Variants in NAALADL2 observed in about 807,000 individuals in gnomAD.
The protein encoded by NAALADL2 is inactive N-acetylated-alpha-linked acidic dipeptidase-like protein 2.
NAALADL2 carries 76 observed loss-of-function variants against 87.2 expected under a neutral mutation model. The ratio of observed to expected loss-of-function variants is 0.87; its 90% CI spans 0.72 to 1.05. The LOEUF is 1.05. NAALADL2 is among the 50% of genes least tolerant of loss of function. The probability of loss-of-function intolerance (pLI) is 0.00; values close to 1 mark genes in which losing one functional copy is unlikely to be tolerated. For missense variants in NAALADL2, 1,089 were observed against 945.8 expected (o/e 1.15, Z -1.99); for synonymous variants, 354 against 331.0 (o/e 1.07, Z -0.75).
chr3:175,745,684 A>T (rs1745828224), intron 12 of NAALADL2, among the ~76,000 whole-genome samples: 1 of 152,198 alleles, frequency 6.6e-6, no homozygotes, highest in Non-Finnish European at 1.5e-5. Context: ...ATGTCCAAAA[A>T]ATGCATTTAG....
intron 9 of NAALADL2, among the ~76,000 whole-genome samples, chr3:175,507,007 C>T (rs747373792): frequency 1.3e-5 from 2 of 151,984 alleles, no homozygotes; most frequent in East Asian, 1.9e-4. Context: ...GCTATCAGCC[C>T]CTCTGCACAT....
At chr3:174,540,190 G>GA (rs1240820911) in intron 1 of NAALADL2, among the ~76,000 whole-genome samples, 1 of 151,950 alleles carries the variant, frequency 6.6e-6, no homozygotes, top group East Asian at 1.9e-4. Context: ...GTAAGAGGGG[G>GA]AAAAAAAGCA....
chr3:174,942,123 A>G (rs868319203), intron 1 of NAALADL2, among the ~76,000 whole-genome samples: 29 of 152,252 alleles, frequency 1.9e-4, no homozygotes, highest in African/African-American at 6.3e-4. Flanking sequence ...AAGTTTTTGT[A>G]TAAACATGCT....
At chr3:174,829,674 C>A (rs1458016331) in intron 3 of NAALADL2, among the ~76,000 whole-genome samples, 2 of 142,408 alleles carry the variant, frequency 1.4e-5, no homozygotes, top group Admixed American at 6.9e-5. Flanking sequence ...AGTTCTAGAT[C>A]CCTGAGGAAT....
chr3:174,913,349 C>T (rs1733951478), intron 1 of NAALADL2, among the ~76,000 whole-genome samples: 1 of 152,144 alleles, frequency 6.6e-6, no homozygotes, highest in Non-Finnish European at 1.5e-5. Context: ...TCACTATTTT[C>T]CTTTGCAAAC....
rs1002633768 is a variant in NAALADL2, at chr3:175,446,247, G to A, written c.1091-982G>A. On this transcript the variant is annotated intron_variant, in intron 5 of 13. Coordinates refer to ENST00000454872, the MANE Select transcript of NAALADL2 (RefSeq NM_207015.3). ...CAGGCAATCATGACACCTTTTTTTG[G>A]GGGGGGCGGGGGGGACTGTGTCTCA... 7.6e-5 allele frequency among the ~76,000 whole-genome samples: 11 copies of A among 145,424 alleles called. No homozygotes were observed. In the East Asian group the frequency reaches 2.2e-3, roughly 29 times the overall value.
At chr3:174,548,152 C>T (rs892209259) in intron 1 of NAALADL2, among the ~76,000 whole-genome samples, 5 of 152,154 alleles carry the variant, frequency 3.3e-5, no homozygotes, top group African/African-American at 1.2e-4. Context: ...TCATTACGAA[C>T]TGTGTAAACA....
intron 2 of NAALADL2, among the ~76,000 whole-genome samples, chr3:174,627,552 C>A (rs1721697667): frequency 6.6e-6 from 1 of 152,176 alleles, no homozygotes; most frequent in African/African-American, 2.4e-5. Context: ...AAAAATAGAA[C>A]TAAACTTTGA....
At chr3:175,118,689 A>T (rs532349118) in intron 2 of NAALADL2, among the ~76,000 whole-genome samples, 1 of 151,844 alleles carries the variant, frequency 6.6e-6, no homozygotes, top group African/African-American at 2.4e-5. Flanking sequence ...AAAATCTGCA[A>T]TAGAGTTCTG....
chr3:175,451,468 ATTCAACG>A (rs1721569113), intron 6 of NAALADL2, among the ~76,000 whole-genome samples: 1 of 152,164 alleles, frequency 6.6e-6, no homozygotes, highest in Non-Finnish European at 1.5e-5. Context: ...TGACCCATTC[ATTCAACG>A]TATTGTCAAT....
chr3:175,434,803 G>A (rs542370039), intron 5 of NAALADL2, among the ~76,000 whole-genome samples: 1 of 152,026 alleles, frequency 6.6e-6, no homozygotes, highest in South Asian at 2.1e-4. Flanking sequence ...AGTTTACTTA[G>A]CTTATATTAC....
At chr3:175,247,728 A>C (rs1748250776) in intron 3 of NAALADL2, among the ~76,000 whole-genome samples, 1 of 152,214 alleles carries the variant, frequency 6.6e-6, no homozygotes, top group South Asian at 2.1e-4. Flanking sequence ...TAAACCAAGC[A>C]GGGAGACTTT....
intron 11 of NAALADL2, among the ~76,000 whole-genome samples, chr3:175,713,208 T>C (rs1445020687): frequency 2.0e-5 from 3 of 152,088 alleles, no homozygotes. Context: ...AATCACAGTG[T>C]TATGGTGAAT....
At chr3:175,140,725 A>C (rs9878823) in intron 2 of NAALADL2, among the ~76,000 whole-genome samples, 16,730 of 152,178 alleles carry the variant, frequency 0.11, 2,496 homozygotes, top group African/African-American at 0.34. Flanking sequence ...TCCTCGCTAC[A>C]AAAGGGAATG....
At chr3:174,509,724 C>T (rs941493152) in intron 1 of NAALADL2, among the ~76,000 whole-genome samples, 3 of 151,704 alleles carry the variant, frequency 2.0e-5, no homozygotes, top group African/African-American at 7.3e-5. Flanking sequence ...CCGAGCACAG[C>T]TGTCTCTTCC....
chr3:174,444,851 G>A (rs1338859350), intron 1 of NAALADL2, among the ~76,000 whole-genome samples: 4 of 152,090 alleles, frequency 2.6e-5, no homozygotes, highest in Non-Finnish European at 4.4e-5. Context: ...GAAAAACAGC[G>A]ATTGGCAACA....
At chr3:175,413,377 C>T (rs966816365) in intron 5 of NAALADL2, among the ~76,000 whole-genome samples, 1 of 151,070 alleles carries the variant, frequency 6.6e-6, no homozygotes, top group African/African-American at 2.4e-5. Flanking sequence ...AGAGACCATC[C>T]TGGCTAACAC....
At chr3:174,886,095 A>G (rs1394104824) in intron 1 of NAALADL2, among the ~76,000 whole-genome samples, 2 of 151,116 alleles carry the variant, frequency 1.3e-5, no homozygotes, top group African/African-American at 4.9e-5. Context: ...TTGTATTTTT[A>G]GTAGAGATGG....
At chr3:175,546,392 T>C (rs1341522097) in intron 9 of NAALADL2, among the ~76,000 whole-genome samples, 1 of 152,130 alleles carries the variant, frequency 6.6e-6, no homozygotes, top group African/African-American at 2.4e-5. Flanking sequence ...CATTTACATT[T>C]AAGATTAATG....
Sources: gnomAD v4.1 joint callset for allele counts (sites outside exome capture counted in the v4.1 genomes callset) on GRCh38, gnomAD v4.1.1 for gene constraint, MANE v1.5 for transcripts, NCBI Gene and HGNC (gene_info 2026-07-23, HGNC 2026-07-21) for gene names.